Variants in DPP10 observed in about 807,000 individuals in gnomAD.
The protein encoded by DPP10 is inactive dipeptidyl peptidase 10.
In DPP10, 33 loss-of-function variants were observed where a neutral mutation model predicts 120.9. The observed-to-expected ratio is 0.27, with a 90% confidence interval of 0.21 to 0.37. The LOEUF (loss-of-function observed/expected upper bound fraction) is 0.37. Among genes scored for constraint, DPP10 ranks in the 10% least tolerant of loss-of-function variants. The pLI is 1.00. For synonymous variants in DPP10, 337 were observed against 326.1 expected (o/e 1.03, Z -0.36); for missense variants, 816 against 942.8 (o/e 0.87, Z 1.76).
At chr2:114,445,020 T>A (rs1019326492) in intron 1 of DPP10, among the ~76,000 whole-genome samples, 2 of 152,196 alleles carry the variant, frequency 1.3e-5, no homozygotes, top group African/African-American at 4.8e-5. Flanking sequence ...TGGCTATCTA[T>A]ATTTAGGTAA....
chr2:115,314,106 T>A (rs989080932), intron 2 of DPP10, among the ~76,000 whole-genome samples: 1 of 152,182 alleles, frequency 6.6e-6, no homozygotes, highest in Non-Finnish European at 1.5e-5. Flanking sequence ...GGAGAACATT[T>A]TGTGCAGAAT....
intron 1 of DPP10, among the ~76,000 whole-genome samples, chr2:115,272,348 A>G (rs1196180730): frequency 1.3e-5 from 2 of 152,230 alleles, no homozygotes; most frequent in Non-Finnish European, 2.9e-5. Context: ...TTAGAAAAAT[A>G]TTATTTGTAC....
intron 3 of DPP10, among the ~76,000 whole-genome samples, chr2:115,410,910 G>C (rs2068904939): frequency 6.6e-6 from 1 of 152,044 alleles, no homozygotes; most frequent in Non-Finnish European, 1.5e-5. Context: ...TATAAAATTA[G>C]ACTAATTTGT....
At chr2:115,431,032 G>T (rs1574824689) in intron 3 of DPP10, among the ~76,000 whole-genome samples, 1 of 152,176 alleles carries the variant, frequency 6.6e-6, no homozygotes, top group East Asian at 1.9e-4. Context: ...AAACAGATAT[G>T]ATACTAGCTT....
At chr2:114,848,709 T>C (rs1688727296) in intron 1 of DPP10, among the ~76,000 whole-genome samples, 1 of 152,198 alleles carries the variant, frequency 6.6e-6, no homozygotes, top group Admixed American at 6.5e-5. Flanking sequence ...AGAGGTTTGT[T>C]TGATTCAAGG....
intron 1 of DPP10, among the ~76,000 whole-genome samples, chr2:114,464,273 T>C (rs1679169481): frequency 6.6e-6 from 1 of 152,218 alleles, no homozygotes; most frequent in Non-Finnish European, 1.5e-5. Context: ...TTTTATTTTT[T>C]TAAGATTTCA....
chr2:115,193,006 G>T (rs1448512423), intron 1 of DPP10, among the ~76,000 whole-genome samples: 2 of 151,720 alleles, frequency 1.3e-5, no homozygotes, highest in Non-Finnish European at 2.9e-5. Context: ...ATGTAGGTAT[G>T]AATCCACATT....
chr2:115,534,256 C>T (rs2078658355), intron 5 of DPP10, among the ~76,000 whole-genome samples: 1 of 152,072 alleles, frequency 6.6e-6, no homozygotes, highest in African/African-American at 2.4e-5. Context: ...GCTATCCCTC[C>T]CCACTCCCGG....
chr2:114,873,546 G>A (rs534266565), intron 1 of DPP10, among the ~76,000 whole-genome samples: 5 of 152,166 alleles, frequency 3.3e-5, no homozygotes, highest in African/African-American at 4.8e-5. Flanking sequence ...ATATCGTGTC[G>A]GTGCGTGCAT....
At chr2:115,503,935 C>A (rs1372159622) in intron 4 of DPP10, among the ~76,000 whole-genome samples, 1 of 151,832 alleles carries the variant, frequency 6.6e-6, no homozygotes, top group Non-Finnish European at 1.5e-5. Context: ...TTTGAGAAAC[C>A]CTGTTCTAGA....
At chr2:115,384,375 G>T (rs1158015083) in intron 3 of DPP10, among the ~76,000 whole-genome samples, 1 of 149,138 alleles carries the variant, frequency 6.7e-6, no homozygotes, top group Non-Finnish European at 1.5e-5. Context: ...TCCTGTCTCA[G>T]AAAAGCAGAA....
At chr2:114,837,582 CAA>C (rs1177902189) in intron 1 of DPP10, among the ~76,000 whole-genome samples, 1 of 145,638 alleles carries the variant, frequency 6.9e-6, no homozygotes. Context: ...TGTTCTCTGT[CAA>C]AAAAAAAAAT....
chr2:115,155,071 T>TAA (rs1559154932), intron 1 of DPP10, among the ~76,000 whole-genome samples: 2 of 148,742 alleles, frequency 1.3e-5, no homozygotes, highest in Admixed American at 1.3e-4. Context: ...TTATTTATTT[T>TAA]TTTTTTTTGG....
intron 1 of DPP10, among the ~76,000 whole-genome samples, chr2:115,033,893 CTTTTTTTTTTTTTTT>C (rs965717193): frequency 1.1e-5 from 1 of 89,862 alleles, no homozygotes; most frequent in Non-Finnish European, 2.1e-5. Flanking sequence ...TTTTCTTTTT[CTTTTTTTTTTTTTTT>C]TTTTTTTTGA....
intron 1 of DPP10, among the ~76,000 whole-genome samples, chr2:114,995,906 G>A (rs551351264): frequency 1.4e-4 from 21 of 152,078 alleles, no homozygotes; most frequent in Admixed American, 3.3e-4. Context: ...TTGCAAGATC[G>A]GCAGGTATAA....
At chr2:115,419,891 A>G (rs2069781004) in intron 3 of DPP10, among the ~76,000 whole-genome samples, 2 of 152,192 alleles carry the variant, frequency 1.3e-5, no homozygotes, top group African/African-American at 4.8e-5. Context: ...TAGTATATTA[A>G]TAATGTGGGA....
chr2:114,697,405 A>G (rs1700129059), intron 1 of DPP10, among the ~76,000 whole-genome samples: 1 of 152,094 alleles, frequency 6.6e-6, no homozygotes, highest in African/African-American at 2.4e-5. Context: ...ATGGTAAGTT[A>G]TGCAATAGAA....
chr2:115,072,952 T>C (rs1446212401), intron 1 of DPP10, among the ~76,000 whole-genome samples: 1 of 151,976 alleles, frequency 6.6e-6, no homozygotes, highest in Non-Finnish European at 1.5e-5. Context: ...CCAGCTAATT[T>C]TTGCATTTTT....
At chr2:114,838,805 A>C (rs144116512) in intron 1 of DPP10, among the ~76,000 whole-genome samples, 29 of 152,276 alleles carry the variant, frequency 1.9e-4, no homozygotes, top group African/African-American at 6.5e-4. Flanking sequence ...TCATCAGTGT[A>C]GACTGACCCA....
Sources: allele counts gnomAD v4.1 joint callset (sites outside exome capture counted in the v4.1 genomes callset), GRCh38; gene constraint gnomAD v4.1.1; transcripts MANE v1.5; gene names NCBI Gene and HGNC (gene_info 2026-07-23, HGNC 2026-07-21).